Variants in USO1 observed in about 807,000 individuals in gnomAD.
USO1 encodes the protein USO1 vesicle transport factor, also known as general vesicular transport factor p115.
Under a neutral mutation model 124.5 loss-of-function variants are expected in USO1, and 57 were observed. The ratio of observed to expected loss-of-function variants is 0.46; its 90% CI spans 0.37 to 0.57. USO1 has a LOEUF of 0.57. USO1 is among the 20% of genes least tolerant of loss of function. USO1 has a pLI of 0.00. For synonymous variants in USO1, 369 were observed against 362.8 expected, an observed-to-expected ratio of 1.02 and a Z score of -0.19; for missense variants, 900 against 1,040.6, an observed-to-expected ratio of 0.86 and a Z score of 1.86.
At chr4:75,772,503 C>T (rs565669847) in intron 7 of USO1, among the ~76,000 whole-genome samples, 2 of 152,182 alleles carry the variant, frequency 1.3e-5, no homozygotes, top group East Asian at 3.9e-4. Context: ...TCCCAAAGTG[C>T]TGGGATTACA....
At chr4:75,746,499 C>T (rs1721130577) in intron 1 of USO1, among the ~76,000 whole-genome samples, 1 of 152,158 alleles carries the variant, frequency 6.6e-6, no homozygotes, top group Non-Finnish European at 1.5e-5. Flanking sequence ...AGAAACTAAG[C>T]GTACTTTTGT....
At chr4:75,735,501 G>T (rs1720764286) in intron 1 of USO1, among the ~76,000 whole-genome samples, 2 of 151,988 alleles carry the variant, frequency 1.3e-5, no homozygotes, top group African/African-American at 4.8e-5. Flanking sequence ...GTTCTATGCT[G>T]TCTTCTTTTT....
At chr4:75,800,574 G>A in intron 15 of USO1, 44 bp from the exon 16 acceptor site, 3 of 1,431,240 alleles carry the variant, frequency 2.1e-6, no homozygotes, top group Non-Finnish European at 2.8e-6. Context: ...GTTTTGTTTT[G>A]ATTTTATTTT....
chr4:75,738,395 T>G (rs1007719824), intron 1 of USO1, among the ~76,000 whole-genome samples: 3 of 151,684 alleles, frequency 2.0e-5, no homozygotes, highest in Admixed American at 2.0e-4. Flanking sequence ...AGGCGGAGGT[T>G]GCAGTGAGCC....
chr4:75,737,551 T>C (rs1234256703), intron 1 of USO1, among the ~76,000 whole-genome samples: 2 of 150,312 alleles, frequency 1.3e-5, no homozygotes, highest in Non-Finnish European at 3.0e-5. Flanking sequence ...AAATTTGAGC[T>C]GAGCTCTGTG....
chr4:75,791,309 A>C lies in USO1; in HGVS notation c.1240+512A>C, dbSNP rs530987890. On this transcript the variant is annotated intron_variant, in intron 12 of 23. Coordinates refer to ENST00000514213, the MANE Select transcript of USO1 (RefSeq NM_003715.4). ...GAGGCCAAGGCGGGCAGATAACCTA[A>C]GACCAGGAGTTCGAGACCAGCCTAG... Among the ~76,000 whole-genome samples, 12 of 152,360 alleles carry C rather than the reference A, an allele frequency of 7.9e-5. No homozygotes were observed. The South Asian group carries it at 2.3e-3, about 29-fold the overall frequency.
At chr4:75,786,915 A>C in intron 9 of USO1, 147 bp from the exon 10 acceptor site, 3 of 994,444 alleles carry the variant, frequency 3.0e-6, no homozygotes, top group Non-Finnish European at 4.1e-6. Context: ...ACTTATTGCC[A>C]TGGGAGCACG....
chr4:75,741,005 G>A (rs1720943984), intron 1 of USO1, among the ~76,000 whole-genome samples: 1 of 152,174 alleles, frequency 6.6e-6, no homozygotes, highest in Non-Finnish European at 1.5e-5. Context: ...GTAGCTCAGT[G>A]TCGGGGCTAA....
chr4:75,788,532 C>CTT (rs1347321645), intron 10 of USO1, among the ~76,000 whole-genome samples: 1 of 147,394 alleles, frequency 6.8e-6, no homozygotes, highest in Non-Finnish European at 1.5e-5. Flanking sequence ...ATTTTCTTTT[C>CTT]TTTTCTTTTC....
intron 1 of USO1, among the ~76,000 whole-genome samples, chr4:75,727,531 G>A (rs1327624323): frequency 8.5e-5 from 13 of 152,090 alleles, no homozygotes; most frequent in Non-Finnish European, 5.9e-5. Flanking sequence ...CGTTCCACCA[G>A]GAAGTACAAC....
chr4:75,805,565 G>A (rs1299510582), intron 19 of USO1, among the ~76,000 whole-genome samples: 2 of 152,024 alleles, frequency 1.3e-5, no homozygotes, highest in Non-Finnish European at 2.9e-5. Context: ...AAATTAGCCG[G>A]GCATGGTGGC....
intron 13 of USO1, chr4:75,795,367 C>T (rs1194022833): frequency 1.4e-6 from 1 of 701,824 alleles, no homozygotes; most frequent in Non-Finnish European, 2.6e-6. Flanking sequence ...GTATGTATCA[C>T]TTGATTAAGC....
In USO1 at chr4:75,800,667, A is replaced by G. The variant is rs986978173; in HGVS notation, c.1732A>G (p.Ile578Val). Reference protein sequence around the residue: ...IEKRIGKENFIEKLGFISKHE... With the variant: ...IEKRIGKENFVEKLGFISKHE... ...GAAGAGGATTGGCAAAGAGAATTTC[A>G]TAGAGAAACTAGGATTTATTAGCAA... The change falls in exon 16 of 24, where the codon ATA becomes GTA. Residue 578 changes from isoleucine (I) to valine (V), a missense_variant. Ile to Val is a conservative substitution (Grantham distance 29, BLOSUM62 3). This residue lies in a region of USO1 where 538 missense variants were observed against 681.6 expected (regional missense o/e 0.79). Transcript: ENST00000514213. The G allele has an allele frequency of 4.4e-6, 7 of 1,595,818 alleles. No homozygotes were observed. The highest frequency in any genetic ancestry group is 6.0e-6 in the Non-Finnish European group (7 of 1,174,330).
At chr4:75,752,663 C>T in intron 3 of USO1, 59 bp downstream of exon 3, 1 of 397,728 alleles carries the variant, frequency 2.5e-6, no homozygotes, top group Non-Finnish European at 4.4e-6. Flanking sequence ...GTTTTAGAGT[C>T]AGCATCACTA....
chr4:75,742,330 C>T (rs776593483), intron 1 of USO1, among the ~76,000 whole-genome samples: 7 of 152,126 alleles, frequency 4.6e-5, no homozygotes, highest in South Asian at 2.1e-4. Context: ...GCTAGGACAT[C>T]GGTAGGTGAT....
intron 9 of USO1, among the ~76,000 whole-genome samples, chr4:75,783,399 A>T (rs190296905): frequency 5.3e-5 from 8 of 152,210 alleles, no homozygotes; most frequent in African/African-American, 1.9e-4. Flanking sequence ...TTGATCCTTT[A>T]TGGTGAAAGC....
rs3059597 is a variant in USO1, at chr4:75,732,876, T to TAAAAAAAAAAAAA, written c.66+8001_66+8013dup. On this transcript the variant is annotated intron_variant, in intron 1 of 23. Coordinates refer to ENST00000514213, the MANE Select transcript of USO1 (RefSeq NM_003715.4). ...CCTGGCGACAGAGCGAGATTCCATCTAAAAAAAAAAAAAAAAAAAAAAGTC... is the reference window on the plus strand; with the variant it reads ...CCTGGCGACAGAGCGAGATTCCATCTAAAAAAAAAAAAAAAAAAAAAAAAAAAAAAAAAAAGTC... 8.3e-5 allele frequency among the ~76,000 whole-genome samples: 4 copies of TAAAAAAAAAAAAA among 48,182 alleles called. 1 individual carries two copies. The highest frequency in any genetic ancestry group is 1.9e-4 in the African/African-American group (2 of 10,416). The allele number at this position is 48,182 out of a possible 152,430, so 31.6% of individuals were successfully genotyped here. A position where few individuals can be genotyped will look rare whatever the true frequency, so the allele number is the denominator to read the frequency against.
At chr4:75,796,673 A>G (rs1722692170) in intron 13 of USO1, among the ~76,000 whole-genome samples, 1 of 151,664 alleles carries the variant, frequency 6.6e-6, no homozygotes, top group South Asian at 2.1e-4. Context: ...GTTCTCTTTT[A>G]TCGTGTAAAA....
At chr4:75,725,137 C>T (rs1180999073) in intron 1 of USO1, among the ~76,000 whole-genome samples, 1 of 152,234 alleles carries the variant, frequency 6.6e-6, no homozygotes, top group Non-Finnish European at 1.5e-5. Context: ...CCCTGAAGCT[C>T]GGGCTAGGAG....
Sources: allele counts gnomAD v4.1 joint callset (sites outside exome capture counted in the v4.1 genomes callset), GRCh38; gene constraint gnomAD v4.1.1; regional missense constraint gnomAD v4.1.1; transcripts MANE v1.5; gene names NCBI Gene and HGNC (gene_info 2026-07-23, HGNC 2026-07-21).